The following MRPS21 variants were observed in gnomAD, a reference collection of about 807,000 sequenced individuals.
The protein encoded by MRPS21 is mitochondrial ribosomal protein S21.
In MRPS21, 8 loss-of-function variants were observed where a neutral mutation model predicts 9.9. The observed-to-expected ratio is 0.81, with a 90% CI of 0.47 to 1.45. The LOEUF (loss-of-function observed/expected upper bound fraction) is 1.45. MRPS21 is among the 40% of genes most tolerant of loss of function. MRPS21 has a pLI of 0.00. For missense variants in MRPS21, 101 were observed against 118.9 expected (o/e 0.85, Z 0.70); for synonymous variants, 40 against 40.3 (o/e 0.99, Z 0.03).
At chr1:150,306,791 AC>A (rs1654347402) in intron 2 of MRPS21, among the ~76,000 whole-genome samples, 1 of 152,000 alleles carries the variant, frequency 6.6e-6, no homozygotes, top group Non-Finnish European at 1.5e-5. Flanking sequence ...CACCAGCCTG[AC>A]AGGATGGAAC....
At chr1:150,302,066 G>C (rs587692334) in intron 2 of MRPS21, among the ~76,000 whole-genome samples, 2 of 152,076 alleles carry the variant, frequency 1.3e-5, no homozygotes, top group Admixed American at 1.3e-4. Flanking sequence ...CCTCTCTCTA[G>C]CCACTTTTTC....
intron 2 of MRPS21, among the ~76,000 whole-genome samples, chr1:150,301,035 TA>T (rs71578475): frequency 6.6e-6 from 1 of 151,002 alleles, no homozygotes; most frequent in African/African-American, 2.4e-5. Context: ...CTGTCTCTAC[TA>T]AAAAAAATAC....
At chr1:150,303,862 A>G (rs1654228164) in intron 2 of MRPS21, 2 of 455,816 alleles carry the variant, frequency 4.4e-6, no homozygotes, top group Non-Finnish European at 8.8e-6. Flanking sequence ...GACATTTATT[A>G]GTCATCTAGA....
chr1:150,295,789 A>AG (rs1458826388), intron 2 of MRPS21, among the ~76,000 whole-genome samples: 1 of 370 alleles, frequency 2.7e-3, no homozygotes. Context: ...TTAAGAAGAA[A>AG]GGGAAAAAAA....
At chr1:150,296,742 A>G (rs146431642) in intron 2 of MRPS21, among the ~76,000 whole-genome samples, 14 of 119,896 alleles carry the variant, frequency 1.2e-4, no homozygotes, top group East Asian at 3.7e-4. Flanking sequence ...TTTTAGTGCA[A>G]TGTTCTTTAA....
intron 2 of MRPS21, among the ~76,000 whole-genome samples, chr1:150,302,069 A>G (rs988045337): frequency 2.6e-5 from 4 of 152,034 alleles, no homozygotes; most frequent in Non-Finnish European, 5.9e-5. Flanking sequence ...CTCTCTAGCC[A>G]CTTTTTCTGT....
chr1:150,295,432 C>T (rs1209517131), intron 2 of MRPS21, among the ~76,000 whole-genome samples: 2 of 152,160 alleles, frequency 1.3e-5, no homozygotes, highest in African/African-American at 4.8e-5. Flanking sequence ...GAGGGAGTCT[C>T]GCCATGTTGC....
At chr1:150,305,134 T>A (rs116479344) in intron 2 of MRPS21, 3,119 of 216,168 alleles carry the variant, frequency 0.014, 131 homozygotes, top group African/African-American at 0.071. Context: ...GGATAAAGCA[T>A]TTCTCCCATT....
Position 150,308,317 on chromosome 1 carries a change from T to A in MRPS21, c.*89T>A. On this transcript the variant is annotated 3_prime_UTR_variant, in exon 3 of 3. Coordinates refer to ENST00000614145, the MANE Select transcript of MRPS21 (RefSeq NM_031901.6). ...GTACAATCCCATTTCCTATTACCAT[T>A]CTCTGCAATAAACTCAAATCACATG... 7.4e-7 allele frequency: 1 copy of A among 1,346,248 alleles called. No individual in the cohort carries two copies. The highest frequency in any genetic ancestry group is 1.0e-6 in the Non-Finnish European group (1 of 993,700). The allele number at this position is 1,346,248 out of a possible 1,614,324, so 83.4% of individuals were successfully genotyped here. A position where few individuals can be genotyped will look rare whatever the true frequency, so the allele number is the denominator to read the frequency against.
At chr1:150,294,189 A>C (rs115256559) in intron 1 of MRPS21, 146 bp from the exon 2 acceptor site, 17 of 576,952 alleles carry the variant, frequency 2.9e-5, no homozygotes, top group Admixed American at 1.4e-4. Flanking sequence ...ATTCACGTCT[A>C]CTTTCTAGGA....
intron 2 of MRPS21, among the ~76,000 whole-genome samples, chr1:150,295,952 C>CTT (rs35860472): frequency 1.3e-3 from 146 of 115,822 alleles, no homozygotes; most frequent in South Asian, 2.1e-3. Context: ...CCTAGTAATA[C>CTT]TTTTTTTTTT....
chr1:150,308,384 C>A lies in MRPS21; in HGVS notation c.*156C>A. 1 of 641,552 alleles carries A rather than the reference C, an allele frequency of 1.6e-6. No homozygotes were observed. The highest frequency in any genetic ancestry group is 2.5e-6 in the Non-Finnish European group (1 of 395,994). The allele number at this position is 641,552 out of a possible 1,614,324, so 39.7% of individuals were successfully genotyped here. ...CAAATATAGAAACAATCCCATTAGTCAGCAGTGGACCCTGTCTTTTATTAA... is the reference window on the plus strand; with the variant it reads ...CAAATATAGAAACAATCCCATTAGTAAGCAGTGGACCCTGTCTTTTATTAA... On this transcript the variant is annotated 3_prime_UTR_variant, in exon 3 of 3. Coordinates refer to ENST00000614145, the MANE Select transcript of MRPS21 (RefSeq NM_031901.6).
intron 2 of MRPS21, among the ~76,000 whole-genome samples, chr1:150,305,531 T>A (rs1239683961): frequency 6.6e-6 from 1 of 152,132 alleles, no homozygotes. Context: ...AAAACAAGTA[T>A]GTAGGATGCT....
intron 2 of MRPS21, among the ~76,000 whole-genome samples, chr1:150,297,664 CAAAAAA>C (rs71652043): frequency 6.7e-6 from 1 of 149,506 alleles, no homozygotes; most frequent in Admixed American, 6.7e-5. Context: ...GAGTAAGACT[CAAAAAA>C]AAAAATCTGG....
intron 2 of MRPS21, among the ~76,000 whole-genome samples, chr1:150,297,885 G>C (rs1653973786): frequency 6.6e-6 from 1 of 151,384 alleles, no homozygotes; most frequent in South Asian, 2.1e-4. Flanking sequence ...AGTATATTAT[G>C]TCTAATGACC....
At chr1:150,303,427 CT>C (rs1560065486) in intron 2 of MRPS21, among the ~76,000 whole-genome samples, 1 of 152,166 alleles carries the variant, frequency 6.6e-6, no homozygotes, top group Non-Finnish European at 1.5e-5. Flanking sequence ...TTAGATCATT[CT>C]TTTATCCAAG....
In MRPS21 at chr1:150,306,556, C is replaced by T. The variant is rs189524293; in HGVS notation, c.84-1492C>T. On this transcript the variant is annotated intron_variant, in intron 2 of 2. Transcript: ENST00000614145. ...TGTTGCCCAGGCTGGAGTGCAGTGGCGCAACCTTGGCTTACTGCAATCTCC... is the reference window on the plus strand; with the variant it reads ...TGTTGCCCAGGCTGGAGTGCAGTGGTGCAACCTTGGCTTACTGCAATCTCC... Among the ~76,000 whole-genome samples the T allele has an allele frequency of 1.4e-3, 215 of 151,828 alleles. 1 individual carries two copies. Among genetic ancestry groups the T allele is most frequent in the African/African-American group, 4.8e-3 (200 of 41,392 alleles).
chr1:150,304,927 T>G (rs1654274065), intron 2 of MRPS21: 1 of 318,344 alleles, frequency 3.1e-6, no homozygotes, highest in Non-Finnish European at 6.2e-6. Flanking sequence ...TAATTCCGGC[T>G]ACTTGGGAAG....
chr1:150,308,446 G>A lies in MRPS21; in HGVS notation c.*218G>A. 1 of 453,134 alleles carries A rather than the reference G, an allele frequency of 2.2e-6. No homozygotes were observed. The highest frequency in any genetic ancestry group is 4.5e-5 in the South Asian group (1 of 22,220). The allele number at this position is 453,134 out of a possible 1,614,324, so 28.1% of individuals were successfully genotyped here. A position where few individuals can be genotyped will look rare whatever the true frequency, so the allele number is the denominator to read the frequency against. ...AACTGAGTCTGAAAGTACTCTAGGA[G>A]TAGAATGGTATTTGCCAGGGACTGG... On this transcript the variant is annotated 3_prime_UTR_variant, in exon 3 of 3. Transcript: ENST00000614145.
Sources: allele counts gnomAD v4.1 joint callset (sites outside exome capture counted in the v4.1 genomes callset), GRCh38; gene constraint gnomAD v4.1.1; transcripts MANE v1.5; gene names NCBI Gene and HGNC (gene_info 2026-07-23, HGNC 2026-07-21).